Variants in KLF12 observed in about 807,000 individuals in gnomAD.
KLF12 encodes KLF transcription factor 12, also known as Krueppel-like factor 12.
Under a neutral mutation model 37.8 loss-of-function variants are expected in KLF12, and 9 were observed. The observed-to-expected ratio is 0.24, with a 90% CI of 0.14 to 0.42. KLF12 has a LOEUF of 0.42. Among genes scored for constraint, KLF12 ranks in the 10% least tolerant of loss-of-function variants. KLF12 has a pLI of 1.00. For synonymous variants in KLF12, 208 were observed against 202.1 expected (o/e 1.03, Z -0.25); for missense variants, 411 against 516.0 (o/e 0.80, Z 1.97).
At chr13:74,294,661 C>T in the KLF12 span, among the ~76,000 whole-genome samples, 2 of 152,178 alleles carry the variant, frequency 1.3e-5, no homozygotes, top group Non-Finnish European at 2.9e-5. Context: ...ACCACTGTGC[C>T]TGGCCTCTTC....
At chr13:73,710,116 C>T (rs904429215) in intron 7 of KLF12, among the ~76,000 whole-genome samples, 4 of 152,098 alleles carry the variant, frequency 2.6e-5, no homozygotes, top group African/African-American at 7.2e-5. Flanking sequence ...TGTGCCTCAA[C>T]ACTTTCAGTG....
At chr13:73,974,310 CA>C (rs61516158) in intron 2 of KLF12, among the ~76,000 whole-genome samples, 11 of 146,284 alleles carry the variant, frequency 7.5e-5, no homozygotes, top group African/African-American at 2.3e-4. Flanking sequence ...AACTTCAAGA[CA>C]AAAAAAAAAG....
the KLF12 span, among the ~76,000 whole-genome samples, chr13:74,232,432 T>C: frequency 6.6e-6 from 1 of 152,240 alleles, no homozygotes; most frequent in African/African-American, 2.4e-5. Context: ...TGATAATTTA[T>C]TCATTCATAT....
intron 2 of KLF12, among the ~76,000 whole-genome samples, chr13:73,959,940 A>T (rs754316592): frequency 2.0e-5 from 3 of 152,176 alleles, no homozygotes. Flanking sequence ...GCAAAATGCA[A>T]GCTTTTTTTG....
At chr13:74,289,477 T>C in the KLF12 span, among the ~76,000 whole-genome samples, 2 of 152,194 alleles carry the variant, frequency 1.3e-5, no homozygotes, top group African/African-American at 2.4e-5. Context: ...ACTTGTTTCT[T>C]ACCTGAAATA....
At chr13:74,109,139 TA>T (rs1274293817) in intron 1 of KLF12, among the ~76,000 whole-genome samples, 15 of 152,156 alleles carry the variant, frequency 9.9e-5, no homozygotes, top group Admixed American at 2.6e-4. Flanking sequence ...AAAAAGTTGA[TA>T]AAACAGATAA....
intron 3 of KLF12, among the ~76,000 whole-genome samples, chr13:73,867,243 A>G (rs554550526): frequency 6.6e-6 from 1 of 152,236 alleles, no homozygotes; most frequent in African/African-American, 2.4e-5. Context: ...ATGAATGAAA[A>G]AAACACTAGG....
intron 4 of KLF12, among the ~76,000 whole-genome samples, chr13:73,821,466 G>A (rs57265731): frequency 1.3e-3 from 194 of 152,226 alleles, no homozygotes; most frequent in African/African-American, 4.4e-3. Context: ...AGTGACCCAC[G>A]TTCCAAACTT....
intron 4 of KLF12, among the ~76,000 whole-genome samples, chr13:73,823,409 A>G (rs950855750): frequency 2.6e-5 from 4 of 152,202 alleles, no homozygotes; most frequent in Non-Finnish European, 5.9e-5. Context: ...GAAAAGTTAA[A>G]AAAGCAAGGG....
At chr13:74,190,569 T>G in the KLF12 span, among the ~76,000 whole-genome samples, 1 of 152,354 alleles carries the variant, frequency 6.6e-6, no homozygotes, top group South Asian at 2.1e-4. Flanking sequence ...AATTTTTATG[T>G]AGTGAATATC....
At chr13:74,058,617 A>C (rs1873396586) in intron 1 of KLF12, among the ~76,000 whole-genome samples, 1 of 152,060 alleles carries the variant, frequency 6.6e-6, no homozygotes, top group Non-Finnish European at 1.5e-5. Context: ...CGGCCTCCCA[A>C]AGTGCTGGGA....
At chr13:74,192,176 T>A in the KLF12 span, among the ~76,000 whole-genome samples, 12 of 151,736 alleles carry the variant, frequency 7.9e-5, no homozygotes, top group East Asian at 3.9e-4. Flanking sequence ...TAAAAAAAAA[T>A]GGAAAATAGT....
intron 1 of KLF12, among the ~76,000 whole-genome samples, chr13:74,079,365 G>A (rs75229254): frequency 0.013 from 1,930 of 152,236 alleles, 30 homozygotes; most frequent in Non-Finnish European, 0.014. Context: ...CTGGAAAATG[G>A]TTGTGCTGGT....
chr13:74,188,279 C>G, the KLF12 span, among the ~76,000 whole-genome samples: 3 of 152,112 alleles, frequency 2.0e-5, no homozygotes, highest in Admixed American at 1.3e-4. Flanking sequence ...TACCCAGACA[C>G]TGTTCTAGGT....
intron 1 of KLF12, among the ~76,000 whole-genome samples, chr13:74,031,747 ATTAAC>A (rs959024887): frequency 5.9e-5 from 9 of 152,136 alleles, no homozygotes; most frequent in African/African-American, 1.9e-4. Context: ...GAAAGATTAA[ATTAAC>A]TTATGATTTA....
intron 6 of KLF12, among the ~76,000 whole-genome samples, chr13:73,762,330 T>C (rs966060919): frequency 1.3e-5 from 2 of 152,200 alleles, no homozygotes; most frequent in Non-Finnish European, 2.9e-5. Context: ...GGCCAGCAGA[T>C]GCTGCCTCTC....
the KLF12 span, among the ~76,000 whole-genome samples, chr13:74,154,377 AT>A: frequency 6.6e-6 from 1 of 152,128 alleles, no homozygotes; most frequent in Admixed American, 6.5e-5. Flanking sequence ...CAAAAAAATT[AT>A]TTTTACAAAA....
At chr13:74,013,125 C>T (rs915995039) in intron 1 of KLF12, among the ~76,000 whole-genome samples, 3 of 152,240 alleles carry the variant, frequency 2.0e-5, no homozygotes, top group South Asian at 2.1e-4. Context: ...CTCATGGGAA[C>T]GGATTCCCTG....
chr13:73,838,149 C>T (rs1456702005), intron 4 of KLF12, among the ~76,000 whole-genome samples: 1 of 143,614 alleles, frequency 7.0e-6, no homozygotes, highest in African/African-American at 2.4e-5. Context: ...CGGGACAGAA[C>T]CTAGGTCACA....
Sources: allele counts gnomAD v4.1 joint callset (sites outside exome capture counted in the v4.1 genomes callset), GRCh38; gene constraint gnomAD v4.1.1; transcripts MANE v1.5; gene names NCBI Gene and HGNC (gene_info 2026-07-23, HGNC 2026-07-21).